ABCB1: variants seen among roughly 807,000 people sequenced by gnomAD.
ABCB1 encodes ATP binding cassette subfamily B member 1, also known as ATP-dependent translocase ABCB1.
In ABCB1, 69 loss-of-function variants were observed where a neutral mutation model predicts 142.0. That is an observed-to-expected ratio of 0.49 (90% CI 0.40 to 0.59). The LOEUF (loss-of-function observed/expected upper bound fraction) is 0.59. Ranked by LOEUF, ABCB1 falls within the 20% of genes least tolerant of loss-of-function variation. The pLI is 0.00. For synonymous variants in ABCB1, 532 were observed against 539.2 expected, an observed-to-expected ratio of 0.99 and a Z score of 0.18; for missense variants, 1,326 against 1,554.7, an observed-to-expected ratio of 0.85 and a Z score of 2.47.
chr7:87,600,558 C>T, intron 1 of ABCB1, among the ~76,000 whole-genome samples, 197 bp downstream of exon 1: 1 of 152,222 alleles, frequency 6.6e-6, no homozygotes, highest in African/African-American at 2.4e-5. Flanking sequence ...TGGTCCAGTG[C>T]CACTACGGTT....
chr7:87,523,421 A>G (rs1815621684), intron 21 of ABCB1, among the ~76,000 whole-genome samples: 1 of 152,114 alleles, frequency 6.6e-6, no homozygotes, highest in African/African-American at 2.4e-5. Flanking sequence ...TGAAGTAAGG[A>G]GTTTGAGACC....
At position 87,671,784 on chromosome 7, in the gene ABCB1, G is replaced by A. The variant is rs563683277; in HGVS notation, c.-331+41377C>T. On this transcript the variant is annotated intron_variant, in intron 1 of 28. Coordinates refer to the ABCB1 transcript ENST00000265724. Reference sequence around the variant, plus strand: ...GTGCTGGAGGTCCACTTCAGCCCCCGGTTGCCTCAGACACTCTGAAACCTG... The same window carrying A: ...GTGCTGGAGGTCCACTTCAGCCCCCAGTTGCCTCAGACACTCTGAAACCTG... 9.2e-5 allele frequency among the ~76,000 whole-genome samples: 14 copies of A among 152,222 alleles called. No individual in the cohort carries two copies. In the South Asian group the frequency reaches 2.5e-3, roughly 27 times the overall value.
chr7:87,592,818 C>T (rs2129965950), intron 3 of ABCB1, among the ~76,000 whole-genome samples: 1 of 152,146 alleles, frequency 6.6e-6, no homozygotes, highest in African/African-American at 2.4e-5. Flanking sequence ...AAACACTTAA[C>T]ATTGTTAGGT....
chr7:87,649,329 T>C (rs1166667617), intron 1 of ABCB1, among the ~76,000 whole-genome samples: 1 of 152,224 alleles, frequency 6.6e-6, no homozygotes, highest in African/African-American at 2.4e-5. Flanking sequence ...AGGTACCTAC[T>C]GGGTACAACG....
chr7:87,703,939 T>TTTTTTTTTTTTTTTTTTTTTTG, intron 1 of ABCB1, among the ~76,000 whole-genome samples: 1 of 130,584 alleles, frequency 7.7e-6, no homozygotes, highest in Non-Finnish European at 1.6e-5. Flanking sequence ...TTTTTTTTTT[T>TTTTTTTTTTTTTTTTTTTTTTG]TGAGACAGTC....
chr7:87,622,983 G>A (rs185451042), intron 1 of ABCB1, among the ~76,000 whole-genome samples: 4 of 152,268 alleles, frequency 2.6e-5, no homozygotes, highest in Non-Finnish European at 5.9e-5. Context: ...GTTCAAGGCC[G>A]AGGTAAGCCA....
chr7:87,593,556 T>G (rs779533783), intron 3 of ABCB1, among the ~76,000 whole-genome samples: 2 of 152,212 alleles, frequency 1.3e-5, no homozygotes, highest in Non-Finnish European at 2.9e-5. Context: ...GAACTTGGAT[T>G]TGGGGAGGAT....
chr7:87,707,992 T>C (rs1198283788), intron 1 of ABCB1, among the ~76,000 whole-genome samples: 13 of 151,938 alleles, frequency 8.6e-5, no homozygotes, highest in African/African-American at 2.9e-4. Flanking sequence ...ATAATGAAAA[T>C]ATAACATATA....
Position 87,528,801 on chromosome 7 carries a change from C to G in ABCB1, c.2685+2493G>C, listed in dbSNP as rs566803371. On this transcript the variant is annotated intron_variant, in intron 21 of 27. Transcript: ENST00000622132. ...AAGTATCATGAATTAATTCAGGTGT[C>G]AGGAATGGCCTCTCTGAAGAGGTAA... Among the ~76,000 whole-genome samples the G allele has an allele frequency of 7.2e-5, 11 of 152,230 alleles. 1 individual carries two copies. The South Asian group carries it at 2.3e-3, about 32-fold the overall frequency.
At position 87,550,772 on chromosome 7, in the gene ABCB1, C is replaced by T. The variant is rs777570345; in HGVS notation, c.1066G>A (p.Ala356Thr). 10 of 1,613,878 alleles carry T rather than the reference C, an allele frequency of 6.2e-6. No homozygotes were observed. The highest frequency in any genetic ancestry group is 8.5e-6 in the Non-Finnish European group (10 of 1,179,910). Residue 356 changes from alanine (A) to threonine (T), a missense_variant, in exon 10 of 28, where the codon GCA (alanine) becomes ACA (threonine). By Grantham distance (58) the Ala-to-Thr change is moderately conservative (BLOSUM62 0). Transcript: ENST00000622132. ...GQASPSIEAF[A>T]NARGAAYEIF... ...TCATAAGCTGCTCCTCTTGCATTTG[C>T]AAATGCTTCAATGCTTGGAGATGCC...
chr7:87,628,587 GTGTGTGT>G, intron 1 of ABCB1: 1 of 12,222 alleles, frequency 8.2e-5, no homozygotes. Context: ...GTGCGTGCGT[GTGTGTGT>G]GTGTGTGTGT....
At chr7:87,555,921 C>T (rs564112289) in intron 8 of ABCB1, among the ~76,000 whole-genome samples, 1 of 152,260 alleles carries the variant, frequency 6.6e-6, no homozygotes, top group African/African-American at 2.4e-5. Context: ...CTGATGTTGT[C>T]CTATGCAGCC....
At chr7:87,572,861 CACA>C (rs1818105775) in intron 4 of ABCB1, among the ~76,000 whole-genome samples, 1 of 130,390 alleles carries the variant, frequency 7.7e-6, no homozygotes. Context: ...CACATGGACA[CACA>C]GAGGGAAACA....
At chr7:87,545,055 A>C (rs952660150) in intron 15 of ABCB1, 56 bp from the exon 16 acceptor site, 2 of 1,515,946 alleles carry the variant, frequency 1.3e-6, no homozygotes, top group African/African-American at 1.4e-5. Context: ...AACCAATGAA[A>C]GCTAATCACT....
chr7:87,524,512 C>T (rs1486274538), intron 21 of ABCB1, among the ~76,000 whole-genome samples: 4 of 151,780 alleles, frequency 2.6e-5, no homozygotes, highest in African/African-American at 4.8e-5. Context: ...TATGTTCTCA[C>T]TCATAGGTGG....
intron 21 of ABCB1, among the ~76,000 whole-genome samples, chr7:87,529,584 T>A (rs908502691): frequency 4.6e-5 from 7 of 152,222 alleles, no homozygotes; most frequent in African/African-American, 1.7e-4. Flanking sequence ...ATCTCATGTG[T>A]CACTTCAAAG....
At chr7:87,629,121 C>A in intron 1 of ABCB1, 1 of 501,072 alleles carries the variant, frequency 2.0e-6, no homozygotes. Flanking sequence ...CGGGTCTGGA[C>A]ACCGTCGCAG....
intron 1 of ABCB1, among the ~76,000 whole-genome samples, chr7:87,610,437 G>A (rs1264860875): frequency 8.1e-6 from 1 of 124,090 alleles, no homozygotes; most frequent in Non-Finnish European, 1.6e-5. Context: ...GATAGAGTCT[G>A]CCTGTGTAGC....
intron 1 of ABCB1, among the ~76,000 whole-genome samples, chr7:87,626,094 ATATATTG>A (rs1820443491): frequency 8.0e-6 from 1 of 125,572 alleles, no homozygotes; most frequent in African/African-American, 3.0e-5. Context: ...ATATATATAT[ATATATTG>A]TCATATATAT....
Sources: gnomAD v4.1 joint callset for allele counts (sites outside exome capture counted in the v4.1 genomes callset) on GRCh38, gnomAD v4.1.1 for gene constraint, MANE v1.5 for transcripts, NCBI Gene and HGNC (gene_info 2026-07-23, HGNC 2026-07-21) for gene names.